ATP13A4: variants seen among roughly 807,000 people sequenced by gnomAD.
ATP13A4 encodes ATPase 13A4.
In ATP13A4, 114 loss-of-function variants were observed where a neutral mutation model predicts 142.5. The observed-to-expected ratio is 0.80, with a 90% CI of 0.69 to 0.93. The LOEUF (loss-of-function observed/expected upper bound fraction) is 0.93, where lower values mean the gene tolerates loss of function less well. ATP13A4 is among the 40% of genes least tolerant of loss of function. ATP13A4 has a pLI of 0.00. For synonymous variants in ATP13A4, 488 were observed against 514.8 expected (o/e 0.95, Z 0.70); for missense variants, 1,392 against 1,454.0 (o/e 0.96, Z 0.69).
chr3:193,504,964 A>G (rs1720779093), intron 2 of ATP13A4, among the ~76,000 whole-genome samples: 1 of 152,180 alleles, frequency 6.6e-6, no homozygotes, highest in African/African-American at 2.4e-5. Context: ...ATCTTATTTT[A>G]GGCTTACAAT....
intron 7 of ATP13A4, among the ~76,000 whole-genome samples, chr3:193,487,812 G>T (rs552515931): frequency 6.6e-6 from 1 of 152,302 alleles, no homozygotes; most frequent in East Asian, 1.9e-4. Context: ...TGCATGAAAA[G>T]ATATATGTGC....
rs948077605 is a variant in ATP13A4, at chr3:193,569,546, T to G, written n.291+12161A>C. ...TTTTGTTGTTGTTTTTGTTTTTGTT[T>G]TTTGTTTTTTGTTTTGAGAGAGGGT... On this transcript the variant is annotated intron_variant and non_coding_transcript_variant, in intron 2 of 3. Transcript: ENST00000489140. 5.9e-5 allele frequency among the ~76,000 whole-genome samples: 9 copies of G among 152,212 alleles called. 1 individual carries two copies. Among genetic ancestry groups the G allele is most frequent in the Middle Eastern group, 6.8e-3 (2 of 294 alleles).
intron 2 of ATP13A4, among the ~76,000 whole-genome samples, chr3:193,507,627 T>C (rs1720927128): frequency 6.6e-6 from 1 of 152,224 alleles, no homozygotes; most frequent in African/African-American, 2.4e-5. Flanking sequence ...AAACTCAGCA[T>C]ACATTTTTTT....
chr3:193,440,133 T>A, intron 21 of ATP13A4: 1 of 180,416 alleles, frequency 5.5e-6, no homozygotes. Flanking sequence ...ATTTTTAATG[T>A]TGCATGAATC....
intron 17 of ATP13A4, among the ~76,000 whole-genome samples, chr3:193,450,638 G>A (rs944415334): frequency 1.3e-5 from 2 of 152,156 alleles, no homozygotes; most frequent in African/African-American, 4.8e-5. Flanking sequence ...CTGATTGAGG[G>A]CTTATAGGGT....
intron 26 of ATP13A4, among the ~76,000 whole-genome samples, chr3:193,414,043 A>C (rs1195445101): frequency 6.6e-6 from 1 of 152,174 alleles, no homozygotes; most frequent in Non-Finnish European, 1.5e-5. Flanking sequence ...ACGGAGGCCC[A>C]ACTGCAAAAT....
rs1042534299 is a variant in ATP13A4 at position 193,519,875 on chromosome 3, C to T, written c.61-5004G>A. On this transcript the variant is annotated intron_variant, in intron 1 of 29. Coordinates refer to ENST00000342695, the MANE Select transcript of ATP13A4 (RefSeq NM_032279.4). Reference sequence around the variant, plus strand: ...GGCCAGGCTGGTCTCGAACTCCCGACCTCAGGTGATCCAGCCGCCTCAGGC... The same window carrying T: ...GGCCAGGCTGGTCTCGAACTCCCGATCTCAGGTGATCCAGCCGCCTCAGGC... 5.3e-5 allele frequency among the ~76,000 whole-genome samples: 8 copies of T among 151,866 alleles called. No homozygotes were observed. The South Asian group carries it at 6.3e-4, about 12-fold the overall frequency.
At chr3:193,441,160 T>A (rs138314433) in intron 20 of ATP13A4, among the ~76,000 whole-genome samples, 1 of 152,300 alleles carries the variant, frequency 6.6e-6, no homozygotes, top group Non-Finnish European at 1.5e-5. Context: ...GTTTCCACTA[T>A]ACTCTGAGAC....
chr3:193,554,984 TCCCACGAGTCGCCCTCTGCTAG>T, upstream of ATP13A4: 1 of 1,465,290 alleles, frequency 6.8e-7, no homozygotes, highest in East Asian at 2.4e-5. Context: ...ACTGAACTCC[TCCCACGAGTCGCCCTCTGCTAG>T]GAGGAATTGC....
Position 193,483,792 on chromosome 3 carries a change from A to C in ATP13A4, c.808+144T>G, listed in dbSNP as rs577995896. 28 of 688,746 alleles carry C rather than the reference A, an allele frequency of 4.1e-5. No individual in the cohort carries two copies. In the East Asian group the frequency reaches 6.5e-4, roughly 16 times the overall value. The allele number at this position is 688,746 out of a possible 1,614,324, so 42.7% of individuals were successfully genotyped here. A position where few individuals can be genotyped will look rare whatever the true frequency, so the allele number is the denominator to read the frequency against. On this transcript the variant is annotated intron_variant, in intron 8 of 29. Transcript: ENST00000342695. The stretch of plus-strand genomic sequence containing the variant: ...AGTAGTTTTTAAGGTAAAAAAAAAA[A>C]CTTAAGTTCCTCATCCCTTTGAACA...
At chr3:193,455,671 A>T (rs1717566250) in intron 16 of ATP13A4, among the ~76,000 whole-genome samples, 2 of 152,240 alleles carry the variant, frequency 1.3e-5, no homozygotes, top group Admixed American at 1.3e-4. Flanking sequence ...CAGCCCAGAA[A>T]TCCCATTACT....
chr3:193,512,611 G>T (rs1478184512), intron 2 of ATP13A4, among the ~76,000 whole-genome samples: 1 of 152,022 alleles, frequency 6.6e-6, no homozygotes, highest in African/African-American at 2.4e-5. Context: ...CAAATTCTTG[G>T]GTCTCAATCC....
At chr3:193,441,262 T>C (rs1716623877) in intron 20 of ATP13A4, among the ~76,000 whole-genome samples, 2 of 152,134 alleles carry the variant, frequency 1.3e-5, no homozygotes, top group African/African-American at 4.8e-5. Context: ...TGGTGGAAAA[T>C]TGACTAATCA....
chr3:193,539,825 CTAT>C (rs1199750495), intron 1 of ATP13A4, among the ~76,000 whole-genome samples: 1 of 152,106 alleles, frequency 6.6e-6, no homozygotes, highest in African/African-American at 2.4e-5. Context: ...TACATATTAA[CTAT>C]TATTATTATT....
At chr3:193,575,990 A>G (rs1724383032) in intron 2 of ATP13A4, among the ~76,000 whole-genome samples, 1 of 152,200 alleles carries the variant, frequency 6.6e-6, no homozygotes, top group Non-Finnish European at 1.5e-5. Flanking sequence ...GGCAGGGAAG[A>G]AGGACAGCAA....
At chr3:193,556,091 T>C (rs1453737912), upstream of ATP13A4, among the ~76,000 whole-genome samples, 1 of 152,182 alleles carries the variant, frequency 6.6e-6, no homozygotes, top group Non-Finnish European at 1.5e-5. Flanking sequence ...ATTTGGACTG[T>C]ACTAGGTGGT....
chr3:193,575,480 A>C (rs1724372029), intron 2 of ATP13A4, among the ~76,000 whole-genome samples: 1 of 152,238 alleles, frequency 6.6e-6, no homozygotes, highest in African/African-American at 2.4e-5. Context: ...GAAAGAGCAG[A>C]GAATACAGAA....
intron 2 of ATP13A4, among the ~76,000 whole-genome samples, chr3:193,569,738 G>A (rs958066951): frequency 5.3e-5 from 8 of 151,894 alleles, no homozygotes; most frequent in East Asian, 1.9e-4. Flanking sequence ...GTCTTGCTAC[G>A]TTTCCAAGCT....
At chr3:193,542,306 C>T (rs936499650) in intron 1 of ATP13A4, among the ~76,000 whole-genome samples, 8 of 152,038 alleles carry the variant, frequency 5.3e-5, no homozygotes, top group Non-Finnish European at 1.0e-4. Flanking sequence ...GAAAACTCTG[C>T]CCAAGGAAAT....
Sources: gnomAD v4.1 joint callset for allele counts (sites outside exome capture counted in the v4.1 genomes callset) on GRCh38, gnomAD v4.1.1 for gene constraint, MANE v1.5 for transcripts, NCBI Gene and HGNC (gene_info 2026-07-23, HGNC 2026-07-21) for gene names.